SMARCA2: variants seen among roughly 807,000 people sequenced by gnomAD.
SMARCA2 encodes SWI/SNF-related matrix-associated actin-dependent regulator of chromatin subfamily A member 2.
In SMARCA2, 61 loss-of-function variants were observed where a neutral mutation model predicts 199.8. That is an observed-to-expected ratio of 0.31 (90% CI 0.25 to 0.38). The LOEUF is 0.38. Among genes scored for constraint, SMARCA2 ranks in the 10% least tolerant of loss-of-function variants. SMARCA2 has a pLI of 1.00. For missense variants in SMARCA2, 1,344 were observed against 2,012.2 expected (o/e 0.67, Z 6.35); for synonymous variants, 935 against 732.0 (o/e 1.28, Z -4.48).
intron 4 of SMARCA2, among the ~76,000 whole-genome samples, chr9:2,046,299 C>T (rs1412915386): frequency 6.6e-6 from 1 of 152,160 alleles, no homozygotes; most frequent in African/African-American, 2.4e-5. Context: ...ACTTAAACTC[C>T]TGAAGTTCAA....
intron 5 of SMARCA2, among the ~76,000 whole-genome samples, chr9:2,050,176 G>A (rs960109648): frequency 2.0e-5 from 3 of 152,066 alleles, no homozygotes; most frequent in Non-Finnish European, 4.4e-5. Context: ...GTCTGCCTAT[G>A]AGCACTTTGC....
chr9:2,170,539 A>G lies in SMARCA2; in HGVS notation c.4253+67A>G. ...ATCCCTCGTTACGTGAAACAGATTG[A>G]ATCATATAATCGGCCTTTGGAAGCA... is the stretch of plus-strand genomic sequence containing the variant. On this transcript the variant is annotated intron_variant, in intron 29 of 33. Transcript: ENST00000349721. This position sits in a 1 kb window ranked among gnomAD's most constrained non-coding sequence, Gnocchi z 4.7. 6.2e-7 allele frequency: 1 copy of G among 1,611,216 alleles called. No individual in the cohort carries two copies. Among genetic ancestry groups the G allele is most frequent in the Non-Finnish European group, 8.5e-7 (1 of 1,178,318 alleles).
chr9:2,027,324 C>T (rs1818876215), intron 1 of SMARCA2, among the ~76,000 whole-genome samples: 1 of 151,674 alleles, frequency 6.6e-6, no homozygotes, highest in Non-Finnish European at 1.5e-5. Flanking sequence ...CGCCTGTAGT[C>T]CTAGCTACTT....
Position 2,109,782 on chromosome 9 carries a change from CT to C in SMARCA2, c.3293-469del, listed in dbSNP as rs560550949. Among the ~76,000 whole-genome samples, 27 of 152,234 alleles carry C rather than the reference CT, an allele frequency of 1.8e-4. No homozygotes were observed. The South Asian group carries it at 5.4e-3, about 30-fold the overall frequency. ...CAAATGGTAAAGTAGTAGAAAAGAA[CT>C]TTCCTTTTTTTTCTATTTTCTTGGC... On this transcript the variant is annotated intron_variant, in intron 23 of 33. Coordinates refer to ENST00000349721, the MANE Select transcript of SMARCA2 (RefSeq NM_003070.5).
rs563045775 is a variant in SMARCA2, at chr9:2,147,483, G to T, written c.3982-14203G>T. The stretch of plus-strand genomic sequence containing the variant: ...TGAGATTGCCTCTTTGAGTAAACTG[G>T]CTAGAACACATAAATCACACATAAT... On this transcript the variant is annotated intron_variant, in intron 27 of 33. Coordinates refer to ENST00000349721, the MANE Select transcript of SMARCA2 (RefSeq NM_003070.5). Among the ~76,000 whole-genome samples the T allele has an allele frequency of 6.2e-4, 95 of 152,224 alleles. 2 individuals are homozygous for T. In the South Asian group the frequency reaches 0.019, roughly 31 times the overall value.
intron 31 of SMARCA2, among the ~76,000 whole-genome samples, chr9:2,182,478 CTTTTTTTTTTTTTTT>C (rs145095906): frequency 1.0e-5 from 1 of 96,732 alleles, no homozygotes; most frequent in Non-Finnish European, 2.0e-5. Flanking sequence ...AGCTTATAGT[CTTTTTTTTTTTTTTT>C]TTTTTTTTTT....
intron 27 of SMARCA2, among the ~76,000 whole-genome samples, chr9:2,144,175 G>A (rs1309570415): frequency 6.6e-6 from 1 of 152,154 alleles, no homozygotes; most frequent in Non-Finnish European, 1.5e-5. Flanking sequence ...ATTTGAATGA[G>A]CCCAAGAGGC....
chr9:2,181,659 G>T lies in SMARCA2; in HGVS notation c.4342G>T (p.Asp1448Tyr). The part of the protein sequence containing the change: ...EYYELIRKPV[D>Y]FKKIKERIRN... ...CTATGAATTAATTAGGAAGCCAGTG[G>T]ATTTCAAAAAAATAAAGGTAGATAT... Residue 1448 changes from aspartate to tyrosine, a missense_variant, in exon 30 of 34, where the codon GAT becomes TAT. Asp to Tyr is a radical substitution (Grantham distance 160, BLOSUM62 -3). Coordinates refer to ENST00000349721, the MANE Select transcript of SMARCA2 (RefSeq NM_003070.5). The T allele has an allele frequency of 1.3e-6, 2 of 1,497,922 alleles. No individual in the cohort carries two copies. Among genetic ancestry groups the T allele is most frequent in the Non-Finnish European group, 1.9e-6 (2 of 1,075,016 alleles). The allele number at this position is 1,497,922 out of a possible 1,614,324, so 92.8% of individuals were successfully genotyped here.
chr9:2,046,959 C>G (rs1259512056), intron 4 of SMARCA2, among the ~76,000 whole-genome samples: 1 of 152,154 alleles, frequency 6.6e-6, no homozygotes, highest in Non-Finnish European at 1.5e-5. Context: ...TGCCATTTCC[C>G]GATGGGGATA....
chr9:2,029,047 G>A lies in SMARCA2; in HGVS notation c.25G>A (p.Ala9Thr), dbSNP rs1421915888. MSTPTDPG[A>T]MPHPGPSPGP... is the part of the protein sequence containing the mutation. ...GATGTCCACGCCCACAGACCCTGGT[G>A]CGATGCCCCACCCAGGGCCTTCGCC... Residue 9 changes from alanine to threonine, a missense_variant, in exon 2 of 34, where the codon GCG becomes ACG. Transcript: ENST00000349721. The A allele has an allele frequency of 1.3e-6, 2 of 1,553,656 alleles. No homozygotes were observed. The highest frequency in any genetic ancestry group is 8.7e-7 in the Non-Finnish European group (1 of 1,148,426).
rs1828024527 is a variant in SMARCA2 at position 2,193,347 on chromosome 9, G to C, written c.*608G>C. Reference sequence around the variant, plus strand: ...AAGATTTATGTCTACTGTAAACATTGCTTAATTTTTTTGCTCTTGATTTAA... The same window carrying C: ...AAGATTTATGTCTACTGTAAACATTCCTTAATTTTTTTGCTCTTGATTTAA... On this transcript the variant is annotated 3_prime_UTR_variant, in exon 34 of 34. Coordinates refer to ENST00000349721, the MANE Select transcript of SMARCA2 (RefSeq NM_003070.5). 6.6e-6 allele frequency: 1 copy of C among 152,536 alleles called. No homozygotes were observed. Among genetic ancestry groups the C allele is most frequent in the Non-Finnish European group, 1.5e-5 (1 of 68,020 alleles). The allele number at this position is 152,536 out of a possible 1,614,324, so 9.4% of individuals were successfully genotyped here.
intron 27 of SMARCA2, among the ~76,000 whole-genome samples, chr9:2,153,601 A>C (rs1009126197): frequency 6.6e-5 from 10 of 152,218 alleles, no homozygotes; most frequent in African/African-American, 2.4e-4. Flanking sequence ...GAAACATTTT[A>C]ATGCTCAATG....
intron 27 of SMARCA2, among the ~76,000 whole-genome samples, chr9:2,150,140 G>C (rs1760297596): frequency 6.6e-6 from 1 of 151,614 alleles, no homozygotes; most frequent in South Asian, 2.1e-4. Flanking sequence ...GGAAGAGCTA[G>C]TCATCTCCTT....
chr9:2,132,052 C>G (rs1823985676), intron 27 of SMARCA2, among the ~76,000 whole-genome samples: 1 of 151,990 alleles, frequency 6.6e-6, no homozygotes, highest in African/African-American at 2.4e-5. Flanking sequence ...TATGTAATAC[C>G]AAGCTGCAAT....
chr9:2,146,808 G>A (rs1824771602), intron 27 of SMARCA2, among the ~76,000 whole-genome samples: 1 of 152,092 alleles, frequency 6.6e-6, no homozygotes, highest in African/African-American at 2.4e-5. Flanking sequence ...TGGCTCTGGT[G>A]GGAGTGTAGC....
chr9:2,183,875 A>G (rs532398359), intron 31 of SMARCA2, among the ~76,000 whole-genome samples: 34 of 152,280 alleles, frequency 2.2e-4, no homozygotes, highest in African/African-American at 7.5e-4. Context: ...TGGATTCTTT[A>G]TGTCAATATG....
intron 27 of SMARCA2, among the ~76,000 whole-genome samples, chr9:2,128,418 G>A (rs1336606068): frequency 6.6e-6 from 1 of 152,160 alleles, no homozygotes; most frequent in East Asian, 1.9e-4. Context: ...TTGGCCTCAT[G>A]GTGCTCTTAG....
chr9:2,079,519 A>G (rs1333489178), intron 14 of SMARCA2, among the ~76,000 whole-genome samples: 1 of 152,254 alleles, frequency 6.6e-6, no homozygotes, highest in East Asian at 1.9e-4. Context: ...TTGCATCATC[A>G]GTGCAGACGT....
At chr9:2,051,591 T>G (rs1370670314) in intron 5 of SMARCA2, among the ~76,000 whole-genome samples, 1 of 152,224 alleles carries the variant, frequency 6.6e-6, no homozygotes, top group Non-Finnish European at 1.5e-5. Context: ...TTTGGAAGAT[T>G]AAGTAGGAAT....
Sources: gnomAD v4.1 joint callset for allele counts (sites outside exome capture counted in the v4.1 genomes callset) on GRCh38, gnomAD v4.1.1 for gene constraint, Gnocchi (gnomAD v3.1) non-coding constraint, MANE v1.5 for transcripts, NCBI Gene and HGNC (gene_info 2026-07-23, HGNC 2026-07-21) for gene names.